SEMA6D: variants seen among roughly 807,000 people sequenced by gnomAD.
SEMA6D encodes the protein semaphorin 6D, also known as semaphorin-6D.
In SEMA6D, 35 loss-of-function variants were observed where a neutral mutation model predicts 106.6. The observed-to-expected ratio is 0.33, with a 90% CI of 0.25 to 0.44. The LOEUF (loss-of-function observed/expected upper bound fraction) is 0.44, where lower values mean the gene tolerates loss of function less well. SEMA6D is among the 20% of genes least tolerant of loss of function. The pLI is 1.00. For missense variants in SEMA6D, 1,185 were observed against 1,345.9 expected (o/e 0.88, Z 1.87); for synonymous variants, 499 against 487.7 (o/e 1.02, Z -0.31).
At chr15:47,184,094 C>G (rs1357766398), upstream of SEMA6D, 1 of 152,508 alleles carries the variant, frequency 6.6e-6, no homozygotes, top group Non-Finnish European at 1.5e-5. Context: ...AGGACGCAGA[C>G]GGCGGAGTAA....
At chr15:47,309,346 C>T (rs1056258618) in intron 1 of SEMA6D, among the ~76,000 whole-genome samples, 2 of 152,132 alleles carry the variant, frequency 1.3e-5, no homozygotes, top group Non-Finnish European at 2.9e-5. Flanking sequence ...TCCTTTTGTC[C>T]ATTGTATCCT....
At chr15:47,387,480 T>C (rs916583103) in intron 1 of SEMA6D, among the ~76,000 whole-genome samples, 42 of 152,314 alleles carry the variant, frequency 2.8e-4, no homozygotes, top group African/African-American at 1.0e-3. Flanking sequence ...GTTTAAAATA[T>C]GAACAATAAT....
chr15:47,425,342 A>G (rs1308241310), intron 2 of SEMA6D, among the ~76,000 whole-genome samples: 1 of 152,046 alleles, frequency 6.6e-6, no homozygotes, highest in Non-Finnish European at 1.5e-5. Flanking sequence ...CCTGAGACAG[A>G]AAGTCCCTGA....
chr15:47,635,330 G>T (rs901164089), intron 4 of SEMA6D, among the ~76,000 whole-genome samples: 1 of 152,122 alleles, frequency 6.6e-6, no homozygotes, highest in African/African-American at 2.4e-5. Flanking sequence ...TGGCCTTGGG[G>T]TGATCAACAC....
At chr15:47,377,985 C>T (rs762010921) in intron 1 of SEMA6D, among the ~76,000 whole-genome samples, 10 of 152,022 alleles carry the variant, frequency 6.6e-5, no homozygotes, top group Non-Finnish European at 1.2e-4. Context: ...GAATATATTA[C>T]CTGGAAATGT....
At chr15:47,681,961 T>C (rs972655798) in intron 4 of SEMA6D, among the ~76,000 whole-genome samples, 6 of 152,148 alleles carry the variant, frequency 3.9e-5, no homozygotes, top group African/African-American at 1.4e-4. Flanking sequence ...AGCTTTTAGG[T>C]TCAATGGTCT....
At chr15:47,286,758 G>C (rs952258057) in intron 1 of SEMA6D, among the ~76,000 whole-genome samples, 8 of 152,038 alleles carry the variant, frequency 5.3e-5, no homozygotes, top group Non-Finnish European at 1.2e-4. Context: ...GAAAACTTCT[G>C]GTTTCTTAGG....
chr15:47,413,903 C>T (rs960894444), intron 2 of SEMA6D, among the ~76,000 whole-genome samples: 6 of 152,156 alleles, frequency 3.9e-5, no homozygotes, highest in African/African-American at 1.4e-4. Context: ...TGTATACTGA[C>T]CATGGCCTTA....
At chr15:47,563,992 A>T (rs1244550290) in intron 3 of SEMA6D, among the ~76,000 whole-genome samples, 2 of 152,214 alleles carry the variant, frequency 1.3e-5, no homozygotes, top group Non-Finnish European at 2.9e-5. Flanking sequence ...TGTGATCAGC[A>T]TCTCCTTTGT....
At chr15:47,478,107 G>A (rs955044214) in intron 3 of SEMA6D, among the ~76,000 whole-genome samples, 3 of 152,074 alleles carry the variant, frequency 2.0e-5, no homozygotes, top group African/African-American at 7.2e-5. Flanking sequence ...TCTTATAAAC[G>A]AGCACACAGC....
At chr15:47,595,786 C>A (rs1336792418) in intron 3 of SEMA6D, among the ~76,000 whole-genome samples, 1 of 151,680 alleles carries the variant, frequency 6.6e-6, no homozygotes, top group Non-Finnish European at 1.5e-5. Context: ...AATTTTTTTT[C>A]TTGATTCAGT....
At chr15:47,345,584 A>G (rs1395247163) in intron 1 of SEMA6D, among the ~76,000 whole-genome samples, 1 of 152,198 alleles carries the variant, frequency 6.6e-6, no homozygotes, top group African/African-American at 2.4e-5. Flanking sequence ...TAAATATAAA[A>G]CCTAAAACTA....
chr15:47,741,257 T>C (rs776230546), intron 1 of SEMA6D, among the ~76,000 whole-genome samples: 14 of 152,240 alleles, frequency 9.2e-5, no homozygotes, highest in Non-Finnish European at 1.6e-4. Flanking sequence ...GATTACTTCT[T>C]TATTTCCTCA....
chr15:47,709,734 A>G (rs1488319084), intron 4 of SEMA6D, among the ~76,000 whole-genome samples: 3 of 152,084 alleles, frequency 2.0e-5, no homozygotes, highest in African/African-American at 7.2e-5. Context: ...GCCCTTGTAT[A>G]TTTCTAGTGG....
At chr15:47,520,239 A>T (rs1291330965) in intron 3 of SEMA6D, among the ~76,000 whole-genome samples, 1 of 152,252 alleles carries the variant, frequency 6.6e-6, no homozygotes, top group Non-Finnish European at 1.5e-5. Context: ...TACTCTAAAG[A>T]ATTATGTCCT....
chr15:47,766,235 T>A, intron 15 of SEMA6D, 53 bp downstream of exon 15: 1 of 1,483,632 alleles, frequency 6.7e-7, no homozygotes, highest in Admixed American at 1.9e-5. Flanking sequence ...CCAGGGTCTC[T>A]AAAGCTAGAA....
chr15:47,464,210 T>C (rs1257873217), intron 2 of SEMA6D, among the ~76,000 whole-genome samples: 1 of 152,068 alleles, frequency 6.6e-6, no homozygotes, highest in Admixed American at 6.6e-5. Context: ...CAATCCCTCA[T>C]CAGTAAGATA....
chr15:47,380,008 G>A (rs138093565), intron 1 of SEMA6D, among the ~76,000 whole-genome samples: 116 of 152,088 alleles, frequency 7.6e-4, no homozygotes, highest in African/African-American at 2.7e-3. Context: ...CGCCTGCCTC[G>A]GCCTCCCAAA....
intron 1 of SEMA6D, among the ~76,000 whole-genome samples, chr15:47,380,157 A>G (rs1388635630): frequency 6.6e-6 from 1 of 152,252 alleles, no homozygotes; most frequent in African/African-American, 2.4e-5. Flanking sequence ...TAGAGCTGAA[A>G]AAAGGAATTA....
Sources: allele counts gnomAD v4.1 joint callset (sites outside exome capture counted in the v4.1 genomes callset), GRCh38; gene constraint gnomAD v4.1.1; transcripts MANE v1.5; gene names NCBI Gene and HGNC (gene_info 2026-07-23, HGNC 2026-07-21).